The following GRIA1 variants were observed in gnomAD, a reference collection of about 807,000 sequenced individuals.
GRIA1 encodes the protein glutamate receptor 1.
A neutral mutation model predicts 99.2 loss-of-function variants in GRIA1; 31 were observed. That is an observed-to-expected ratio of 0.31 (90% CI 0.23 to 0.42). The LOEUF (loss-of-function observed/expected upper bound fraction) is 0.42. Ranked by LOEUF, GRIA1 falls within the 10% of genes least tolerant of loss-of-function variation. GRIA1 has a pLI of 1.00. For synonymous variants in GRIA1, 438 were observed against 432.4 expected (o/e 1.01, Z -0.16); for missense variants, 782 against 1,157.5 (o/e 0.68, Z 4.71).
intron 2 of GRIA1, among the ~76,000 whole-genome samples, chr5:153,614,842 T>C (rs1766328241): frequency 6.6e-6 from 1 of 152,152 alleles, no homozygotes; most frequent in African/African-American, 2.4e-5. Context: ...GTGATATAGA[T>C]CATGAAGTGA....
intron 11 of GRIA1, among the ~76,000 whole-genome samples, chr5:153,734,956 T>C (rs1358421142): frequency 6.6e-6 from 1 of 152,122 alleles, no homozygotes; most frequent in Non-Finnish European, 1.5e-5. Flanking sequence ...TTAGTGGTTC[T>C]CAACTGGGCA....
chr5:153,673,887 T>G (rs182242484), intron 5 of GRIA1, among the ~76,000 whole-genome samples: 1 of 151,700 alleles, frequency 6.6e-6, no homozygotes, highest in African/African-American at 2.4e-5. Context: ...CCTCATGGAG[T>G]GGTGAAAATT....
chr5:153,564,570 C>T (rs1161421537), intron 2 of GRIA1, among the ~76,000 whole-genome samples: 2 of 152,172 alleles, frequency 1.3e-5, no homozygotes. Flanking sequence ...CTTATTTACT[C>T]ATGTGAGCTG....
intron 13 of GRIA1, among the ~76,000 whole-genome samples, chr5:153,779,139 A>G (rs1764474014): frequency 2.6e-5 from 4 of 152,166 alleles, no homozygotes; most frequent in Admixed American, 2.0e-4. Flanking sequence ...GTGCTGGGCA[A>G]TGCATTCAGT....
chr5:153,577,703 T>C (rs1287800176), intron 2 of GRIA1, among the ~76,000 whole-genome samples: 6 of 152,200 alleles, frequency 3.9e-5, no homozygotes, highest in African/African-American at 1.4e-4. Context: ...ATTCATTGAT[T>C]ATGTATTGAT....
At chr5:153,699,205 G>T in intron 10 of GRIA1, 132 bp downstream of exon 10, 1 of 687,730 alleles carries the variant, frequency 1.5e-6, no homozygotes, top group Non-Finnish European at 2.6e-6. Context: ...CTGCTGAACA[G>T]ATGAGTCATC....
At chr5:153,577,586 CT>C (rs1219583970) in intron 2 of GRIA1, among the ~76,000 whole-genome samples, 1 of 152,140 alleles carries the variant, frequency 6.6e-6, no homozygotes, top group African/African-American at 2.4e-5. Context: ...GGGATCAATG[CT>C]TGGTTTGCAG....
At chr5:153,720,025 A>G (rs962320880) in intron 11 of GRIA1, among the ~76,000 whole-genome samples, 4 of 152,194 alleles carry the variant, frequency 2.6e-5, no homozygotes, top group Non-Finnish European at 5.9e-5. Flanking sequence ...TTTTGTGTCC[A>G]CAATAGACAC....
chr5:153,490,808 G>A lies in GRIA1; in HGVS notation c.-81G>A, dbSNP rs1443816981. On this transcript the variant is annotated 5_prime_UTR_variant, in exon 1 of 16. Coordinates refer to ENST00000285900, the MANE Select transcript of GRIA1 (RefSeq NM_000827.4). ...GGAGGAAAAGAACAGGCAGAACAGCGAGAAGAATAAAGGGAAAGGGGGGGA... is the reference window on the plus strand; with the variant it reads ...GGAGGAAAAGAACAGGCAGAACAGCAAGAAGAATAAAGGGAAAGGGGGGGA... 7 of 1,003,374 alleles carry A rather than the reference G, an allele frequency of 7.0e-6. No individual in the cohort carries two copies. The highest frequency in any genetic ancestry group is 1.6e-5 in the African/African-American group (1 of 63,440). The allele number at this position is 1,003,374 out of a possible 1,614,324, so 62.2% of individuals were successfully genotyped here.
In GRIA1 at chr5:153,794,679, A is replaced by G. The variant is rs765808229; in HGVS notation, c.2329A>G (p.Lys777Glu). ...CGAGCAGGGGCTTTTGGACAAATTG[A>G]AAAACAAATGGTGGTACGACAAGGG... ...LNEQGLLDKL[K>E]NKWWYDKGEC... The change falls in exon 14 of 16, where the codon AAA becomes GAA. Residue 777 changes from lysine to glutamate, a missense_variant. By Grantham distance (56) the Lys-to-Glu change is moderately conservative (BLOSUM62 1). Transcript: ENST00000285900. 6.2e-7 allele frequency: 1 copy of G among 1,613,976 alleles called. No homozygotes were observed. Among genetic ancestry groups the G allele is most frequent in the East Asian group, 2.2e-5 (1 of 44,876 alleles).
intron 2 of GRIA1, among the ~76,000 whole-genome samples, chr5:153,644,526 C>T (rs1032001155): frequency 6.6e-6 from 1 of 152,152 alleles, no homozygotes; most frequent in African/African-American, 2.4e-5. Flanking sequence ...TACCATGTCC[C>T]AGACACTCTG....
At chr5:153,591,572 T>C (rs969417235) in intron 2 of GRIA1, among the ~76,000 whole-genome samples, 3 of 152,198 alleles carry the variant, frequency 2.0e-5, no homozygotes, top group Non-Finnish European at 2.9e-5. Context: ...CTAGAGGACA[T>C]AGGTAAAATC....
chr5:153,621,741 A>G (rs2149423221), intron 2 of GRIA1, among the ~76,000 whole-genome samples: 1 of 152,306 alleles, frequency 6.6e-6, no homozygotes, highest in East Asian at 1.9e-4. Context: ...GCAAAATATG[A>G]AGTACCCTGC....
chr5:153,493,631 A>G (rs778251696), intron 1 of GRIA1, among the ~76,000 whole-genome samples: 6 of 152,214 alleles, frequency 3.9e-5, no homozygotes, highest in Non-Finnish European at 7.3e-5. Context: ...CAAGGGAGGA[A>G]GAAGAGAAAT....
rs568418730 is a variant in GRIA1 at position 153,649,652 on chromosome 5, G to A, written c.461-678G>A. 3.9e-5 allele frequency among the ~76,000 whole-genome samples: 6 copies of A among 152,050 alleles called. No homozygotes were observed. In the South Asian group the frequency reaches 1.2e-3, roughly 32 times the overall value. ...TTTGTAATTTTTTTTAGTAGAGATG[G>A]GGTTTCATCATGTTTGCCAGGCTGG... On this transcript the variant is annotated intron_variant, in intron 3 of 15. Transcript: ENST00000285900.
intron 2 of GRIA1, among the ~76,000 whole-genome samples, chr5:153,567,006 C>T (rs1007893730): frequency 1.3e-5 from 2 of 152,176 alleles, no homozygotes; most frequent in African/African-American, 4.8e-5. Context: ...CATGAGCCAC[C>T]GTGCCTGGCC....
chr5:153,773,603 T>C (rs1024663460), intron 13 of GRIA1, among the ~76,000 whole-genome samples: 1 of 152,238 alleles, frequency 6.6e-6, no homozygotes, highest in African/African-American at 2.4e-5. Flanking sequence ...AAAATAATTC[T>C]GCTTCATAAT....
At chr5:153,540,026 A>G (rs1398229988) in intron 2 of GRIA1, among the ~76,000 whole-genome samples, 2 of 152,214 alleles carry the variant, frequency 1.3e-5, no homozygotes, top group African/African-American at 4.8e-5. Flanking sequence ...TTTTCTCTGA[A>G]AATCTGTGCT....
At chr5:153,647,913 C>G (rs1754276833) in intron 3 of GRIA1, among the ~76,000 whole-genome samples, 1 of 152,176 alleles carries the variant, frequency 6.6e-6, no homozygotes, top group Non-Finnish European at 1.5e-5. Flanking sequence ...CAGGATGTCC[C>G]TATTCCCCAA....
Sources: allele counts gnomAD v4.1 joint callset (sites outside exome capture counted in the v4.1 genomes callset), GRCh38; gene constraint gnomAD v4.1.1; transcripts MANE v1.5; gene names NCBI Gene and HGNC (gene_info 2026-07-23, HGNC 2026-07-21).